The following NETO1 variants were observed in gnomAD, a reference collection of about 807,000 sequenced individuals.
The protein encoded by NETO1 is neuropilin and tolloid like 1, also known as neuropilin and tolloid-like protein 1.
In NETO1, 26 loss-of-function variants were observed where a neutral mutation model predicts 61.3. The ratio of observed to expected loss-of-function variants is 0.42; its 90% CI spans 0.31 to 0.59. The LOEUF (loss-of-function observed/expected upper bound fraction) is 0.59, where lower values mean the gene tolerates loss of function less well. Among genes scored for constraint, NETO1 ranks in the 20% least tolerant of loss-of-function variants. The probability of loss-of-function intolerance (pLI) is 0.12; values close to 1 mark genes in which losing one functional copy is unlikely to be tolerated. For synonymous variants in NETO1, 225 were observed against 225.8 expected (o/e 1.00, Z 0.03); for missense variants, 531 against 662.8 (o/e 0.80, Z 2.18).
At chr18:72,861,364 T>C (rs1261226350) in intron 3 of NETO1, among the ~76,000 whole-genome samples, 2 of 152,268 alleles carry the variant, frequency 1.3e-5, no homozygotes, top group Non-Finnish European at 2.9e-5. Context: ...ACATACTTAT[T>C]GTGCTAGATT....
At chr18:72,775,756 G>A (rs2071525796) in intron 7 of NETO1, among the ~76,000 whole-genome samples, 1 of 152,194 alleles carries the variant, frequency 6.6e-6, no homozygotes, top group Admixed American at 6.5e-5. Flanking sequence ...CATGGATTAG[G>A]AGTCAGGTCT....
At chr18:72,769,330 G>A (rs2071268218) in intron 7 of NETO1, among the ~76,000 whole-genome samples, 2 of 152,164 alleles carry the variant, frequency 1.3e-5, no homozygotes, top group African/African-American at 2.4e-5. Flanking sequence ...AAGATAAATG[G>A]TGGAGAAATT....
intron 4 of NETO1, among the ~76,000 whole-genome samples, chr18:72,804,464 T>C (rs185687000): frequency 1.6e-4 from 25 of 152,332 alleles, no homozygotes; most frequent in African/African-American, 6.0e-4. Context: ...ATCAGAGGCC[T>C]CCTCATTTTA....
intron 4 of NETO1, among the ~76,000 whole-genome samples, chr18:72,818,457 C>A (rs925285200): frequency 2.0e-5 from 3 of 152,172 alleles, no homozygotes; most frequent in African/African-American, 4.8e-5. Context: ...GGATTCTAAC[C>A]TTGGGTCACA....
intron 4 of NETO1, among the ~76,000 whole-genome samples, chr18:72,833,580 T>C (rs1245481617): frequency 6.6e-6 from 1 of 152,166 alleles, no homozygotes; most frequent in African/African-American, 2.4e-5. Context: ...TAACTCCCTG[T>C]TGCTCAATGC....
intron 4 of NETO1, among the ~76,000 whole-genome samples, chr18:72,826,196 CTTG>C (rs1378316360): frequency 2.0e-5 from 3 of 152,062 alleles, no homozygotes; most frequent in Non-Finnish European, 4.4e-5. Context: ...TATCTTACAG[CTTG>C]TTATTTTATT....
In NETO1 at chr18:72,801,498, T is replaced by A. The variant is rs80280550; in HGVS notation, c.470-7094A>T. The stretch of plus-strand genomic sequence containing the variant: ...TGACTAATAAAGTATGTGAATGTAT[T>A]TTCAAATATTCTAAGTTTAGGGTGT... On this transcript the variant is annotated intron_variant, in intron 4 of 10. Coordinates refer to ENST00000327305, the MANE Select transcript of NETO1 (RefSeq NM_138966.5). Among the ~76,000 whole-genome samples, 264 of 152,292 alleles carry A rather than the reference T, an allele frequency of 1.7e-3. 1 individual carries two copies. Among genetic ancestry groups the A allele is most frequent in the African/African-American group, 6.3e-3 (260 of 41,568 alleles).
At chr18:72,776,157 T>G (rs891651199) in intron 7 of NETO1, among the ~76,000 whole-genome samples, 1 of 152,114 alleles carries the variant, frequency 6.6e-6, no homozygotes, top group African/African-American at 2.4e-5. Flanking sequence ...TGCAACACAG[T>G]GGAGAGTTTC....
intron 4 of NETO1, among the ~76,000 whole-genome samples, chr18:72,832,021 A>G (rs1168066380): frequency 1.3e-5 from 2 of 152,208 alleles, no homozygotes; most frequent in Non-Finnish European, 2.9e-5. Flanking sequence ...TATCTTTATT[A>G]TGACAAAATC....
chr18:72,801,103 C>T (rs2072490761), intron 4 of NETO1, among the ~76,000 whole-genome samples: 1 of 152,168 alleles, frequency 6.6e-6, no homozygotes, highest in African/African-American at 2.4e-5. Flanking sequence ...AGGCTGGGTG[C>T]TTACAATCTT....
At chr18:72,827,409 A>G (rs777518708) in intron 4 of NETO1, among the ~76,000 whole-genome samples, 4 of 152,176 alleles carry the variant, frequency 2.6e-5, no homozygotes, top group Admixed American at 6.5e-5. Flanking sequence ...GAGCCCCTCC[A>G]TAGGGTTGTA....
At chr18:72,856,337 C>T (rs79197925) in intron 4 of NETO1, among the ~76,000 whole-genome samples, 1 of 152,050 alleles carries the variant, frequency 6.6e-6, no homozygotes, top group Non-Finnish European at 1.5e-5. Context: ...AAAAAAGTGA[C>T]GTAGTATAGG....
intron 1 of NETO1, 40 bp downstream of exon 1, chr18:72,867,224 G>A (rs995105426): frequency 1.3e-6 from 2 of 1,495,470 alleles, no homozygotes; most frequent in Non-Finnish European, 9.0e-7. Context: ...CGGGAGGGCT[G>A]GCTCCGGGAG....
intron 7 of NETO1, among the ~76,000 whole-genome samples, chr18:72,759,701 C>T (rs759188787): frequency 6.6e-5 from 10 of 152,204 alleles, no homozygotes; most frequent in Non-Finnish European, 8.8e-5. Flanking sequence ...ACTCAGCATC[C>T]TGTCTTTGCT....
At chr18:72,848,920 T>A (rs2074170022) in intron 4 of NETO1, among the ~76,000 whole-genome samples, 3 of 152,244 alleles carry the variant, frequency 2.0e-5, no homozygotes, top group Admixed American at 6.5e-5. Flanking sequence ...CTCCTGTGTA[T>A]GTCCTCAGAT....
At chr18:72,779,101 T>C (rs1041449793) in intron 7 of NETO1, among the ~76,000 whole-genome samples, 2 of 152,132 alleles carry the variant, frequency 1.3e-5, no homozygotes, top group African/African-American at 2.4e-5. Context: ...CCAGGAAAAA[T>C]ATCCAGGTAC....
intron 7 of NETO1, among the ~76,000 whole-genome samples, chr18:72,765,730 T>C (rs2145152339): frequency 6.6e-6 from 1 of 152,288 alleles, no homozygotes; most frequent in South Asian, 2.1e-4. Flanking sequence ...ATAAAAATTA[T>C]TTAAGCAACA....
downstream of NETO1, chr18:72,742,583 G>C (rs929106007): frequency 2.6e-5 from 4 of 151,994 alleles, no homozygotes; most frequent in African/African-American, 9.7e-5. Context: ...AAAACTACGG[G>C]GTTAATATGA....
intron 6 of NETO1, among the ~76,000 whole-genome samples, chr18:72,790,118 T>A (rs1364034960): frequency 2.0e-5 from 3 of 152,186 alleles, no homozygotes; most frequent in Non-Finnish European, 2.9e-5. Context: ...ATGAGTAAAC[T>A]GTGTAAGCTA....
Sources: allele counts gnomAD v4.1 joint callset (sites outside exome capture counted in the v4.1 genomes callset), GRCh38; gene constraint gnomAD v4.1.1; transcripts MANE v1.5; gene names NCBI Gene and HGNC (gene_info 2026-07-23, HGNC 2026-07-21).